ZNF664: variants seen among roughly 807,000 people sequenced by gnomAD.
ZNF664 encodes the protein zinc finger Organ of Corti 1.
In ZNF664, 10 loss-of-function variants were observed where a neutral mutation model predicts 18.2. The ratio of observed to expected loss-of-function variants is 0.55; its 90% CI spans 0.34 to 0.93. ZNF664 has a LOEUF of 0.93. ZNF664 is among the 40% of genes least tolerant of loss of function. The pLI is 0.02. For missense variants in ZNF664, 193 were observed against 319.0 expected, an observed-to-expected ratio of 0.61 and a Z score of 3.01; for synonymous variants, 119 against 104.2, an observed-to-expected ratio of 1.14 and a Z score of -0.86.
At chr12:123,982,022 G>C (rs1417918600) in intron 2 of ZNF664, among the ~76,000 whole-genome samples, 1 of 152,200 alleles carries the variant, frequency 6.6e-6, no homozygotes, top group Non-Finnish European at 1.5e-5. Flanking sequence ...TTGCCTCTCT[G>C]AGTGGGTGGT....
In ZNF664 at chr12:124,015,029, A is replaced by G. The variant is rs1957175828; in HGVS notation, c.*2099A>G. 1 of 167,138 alleles carries G rather than the reference A, an allele frequency of 6.0e-6. No homozygotes were observed. The highest frequency in any genetic ancestry group is 6.5e-5 in the Admixed American group (1 of 15,290). 10.4% of individuals were successfully genotyped at this position (167,138 alleles called of 1,614,324 possible). ...TAGTGTCTTATCACTCTTTCATGTC[A>G]CAATAGCGTGGAGCATTAGAGAAAA... On this transcript the variant is annotated 3_prime_UTR_variant, in exon 5 of 5. Coordinates refer to ENST00000337815, the MANE Select transcript of ZNF664 (RefSeq NM_152437.3).
intron 2 of ZNF664, among the ~76,000 whole-genome samples, chr12:123,977,285 G>A (rs530542299): frequency 6.6e-6 from 1 of 152,234 alleles, no homozygotes; most frequent in East Asian, 1.9e-4. Flanking sequence ...TAATATGTGA[G>A]ATAGGAGTGA....
chr12:124,008,747 T>A (rs1298458563), intron 3 of ZNF664, among the ~76,000 whole-genome samples: 1 of 152,216 alleles, frequency 6.6e-6, no homozygotes, highest in Non-Finnish European at 1.5e-5. Context: ...GTATATTGAA[T>A]GCGTCTCACT....
At chr12:123,999,583 T>C (rs1956988130) in intron 3 of ZNF664, among the ~76,000 whole-genome samples, 1 of 152,202 alleles carries the variant, frequency 6.6e-6, no homozygotes, top group South Asian at 2.1e-4. Context: ...AAAACGACTT[T>C]AGATTTTTCT....
chr12:124,002,953 T>G (rs913262589), intron 3 of ZNF664, among the ~76,000 whole-genome samples: 1 of 151,520 alleles, frequency 6.6e-6, no homozygotes, highest in Non-Finnish European at 1.5e-5. Flanking sequence ...AGAAGAGAGG[T>G]CAGCAGTAAA....
chr12:124,013,596 T>C lies in ZNF664; in HGVS notation c.*666T>C, dbSNP rs1056350324. On this transcript the variant is annotated 3_prime_UTR_variant, in exon 5 of 5. Transcript: ENST00000337815. ...GACATATATGTCCTTGAACCTTTTT[T>C]ATTTGTGTGGATTCTGCTCATCACT... 6.0e-6 allele frequency: 1 copy of C among 167,540 alleles called. No homozygotes were observed. Among genetic ancestry groups the C allele is most frequent in the Non-Finnish European group, 1.5e-5 (1 of 68,472 alleles). The allele number at this position is 167,540 out of a possible 1,614,324, so 10.4% of individuals were successfully genotyped here.
rs995901537 is a variant in ZNF664 at position 123,989,825 on chromosome 12, C to G, written c.-661+1687C>G. Among the ~76,000 whole-genome samples, 7 of 152,298 alleles carry G rather than the reference C, an allele frequency of 4.6e-5. No individual in the cohort carries two copies. The South Asian group carries it at 1.4e-3, about 32-fold the overall frequency. On this transcript the variant is annotated intron_variant, in intron 3 of 4. Coordinates refer to ENST00000337815, the MANE Select transcript of ZNF664 (RefSeq NM_152437.3). ...TCTGCATAATTTGTTGTGACCATTC[C>G]CTGGCCCTCTCTGAGAGTATAGTGG... is the stretch of plus-strand genomic sequence containing the variant.
rs1425928780 is a variant in ZNF664, at chr12:124,014,269, G to A, written c.*1339G>A. The A allele has an allele frequency of 2.4e-5, 4 of 167,140 alleles. No homozygotes were observed. The highest frequency in any genetic ancestry group is 6.5e-5 in the Admixed American group (1 of 15,280). 10.4% of individuals were successfully genotyped at this position (167,140 alleles called of 1,614,324 possible). ...TGAGGCCGGAGGAGAAGTAGCAGTCGCTGGCAGAGCACACAGGCTGCTCTG... is the reference window on the plus strand; with the variant it reads ...TGAGGCCGGAGGAGAAGTAGCAGTCACTGGCAGAGCACACAGGCTGCTCTG... On this transcript the variant is annotated 3_prime_UTR_variant, in exon 5 of 5. Transcript: ENST00000337815.
At chr12:124,009,080 T>G (rs1261124956) in intron 3 of ZNF664, among the ~76,000 whole-genome samples, 2 of 152,262 alleles carry the variant, frequency 1.3e-5, no homozygotes, top group African/African-American at 4.8e-5. Context: ...TTTCTTAACT[T>G]TGATTTTATA....
chr12:123,973,811 A>G, intron 1 of ZNF664, 75 bp from the exon 2 acceptor site: 2 of 1,229,236 alleles, frequency 1.6e-6, no homozygotes, highest in Non-Finnish European at 2.0e-6. Context: ...AGAGGCGGTC[A>G]TGGCCGCGCC....
At chr12:123,996,977 G>A (rs537244031) in intron 3 of ZNF664, among the ~76,000 whole-genome samples, 16 of 152,336 alleles carry the variant, frequency 1.1e-4, no homozygotes, top group Non-Finnish European at 2.1e-4. Flanking sequence ...GGTGTCAGAG[G>A]TGAAGACTGT....
At chr12:123,993,322 CT>C (rs932547396) in intron 3 of ZNF664, among the ~76,000 whole-genome samples, 5 of 152,160 alleles carry the variant, frequency 3.3e-5, no homozygotes, top group African/African-American at 9.7e-5. Context: ...ATGAATCTGC[CT>C]TGGGCAGCCA....
chr12:123,985,346 T>G (rs1450058822), intron 2 of ZNF664, among the ~76,000 whole-genome samples: 3 of 152,244 alleles, frequency 2.0e-5, no homozygotes, highest in African/African-American at 7.2e-5. Context: ...ATTGAGAATC[T>G]GACCAGAAGG....
chr12:124,000,848 T>G (rs1483489306), intron 3 of ZNF664, among the ~76,000 whole-genome samples: 1 of 152,206 alleles, frequency 6.6e-6, no homozygotes, highest in Non-Finnish European at 1.5e-5. Context: ...CACCCTTTGT[T>G]GGTAGGCAGT....
At chr12:124,000,046 C>A (rs752159005) in intron 3 of ZNF664, among the ~76,000 whole-genome samples, 1 of 152,168 alleles carries the variant, frequency 6.6e-6, no homozygotes, top group African/African-American at 2.4e-5. Flanking sequence ...AAGGAAGGCC[C>A]GTTTGTCCTT....
intron 2 of ZNF664, among the ~76,000 whole-genome samples, chr12:123,976,786 TAA>T (rs879762819): frequency 7.0e-6 from 1 of 143,534 alleles, no homozygotes. Flanking sequence ...AATGTTTGAT[TAA>T]AAAAAAAAAA....
intron 2 of ZNF664, among the ~76,000 whole-genome samples, chr12:123,981,756 G>A (rs1422650087): frequency 6.6e-6 from 1 of 152,178 alleles, no homozygotes; most frequent in African/African-American, 2.4e-5. Context: ...GTCACGAAGA[G>A]GATTTACAAA....
At chr12:123,987,061 G>A (rs1382905661) in intron 2 of ZNF664, among the ~76,000 whole-genome samples, 1 of 152,178 alleles carries the variant, frequency 6.6e-6, no homozygotes, top group Non-Finnish European at 1.5e-5. Context: ...TCTAATGTTA[G>A]TGATTTCTGC....
At chr12:123,975,636 C>T (rs1432882206) in intron 2 of ZNF664, among the ~76,000 whole-genome samples, 3 of 152,106 alleles carry the variant, frequency 2.0e-5, no homozygotes, top group Non-Finnish European at 4.4e-5. Flanking sequence ...ACTATCTTGC[C>T]CCAACTGGTC....
Sources: allele counts gnomAD v4.1 joint callset (sites outside exome capture counted in the v4.1 genomes callset), GRCh38; gene constraint gnomAD v4.1.1; transcripts MANE v1.5; gene names NCBI Gene and HGNC (gene_info 2026-07-23, HGNC 2026-07-21).